WWOX: variants seen among roughly 807,000 people sequenced by gnomAD.
WWOX encodes the protein WW domain containing oxidoreductase.
In WWOX, 69 loss-of-function variants were observed where a neutral mutation model predicts 46.2. The observed-to-expected ratio is 1.49, with a 90% confidence interval of 1.23 to 1.82. The LOEUF is 1.82. WWOX is among the 40% of genes most tolerant of loss of function. The pLI, the probability that WWOX is intolerant of heterozygous loss-of-function variation, is 0.00. For missense variants in WWOX, 919 were observed against 542.6 expected, an observed-to-expected ratio of 1.69 and a Z score of -6.89; for synonymous variants, 359 against 202.6, an observed-to-expected ratio of 1.77 and a Z score of -6.56.
At chr16:78,593,824 C>G (rs1034276687) in intron 8 of WWOX, among the ~76,000 whole-genome samples, 4 of 151,998 alleles carry the variant, frequency 2.6e-5, no homozygotes, top group Non-Finnish European at 5.9e-5. Flanking sequence ...TGATTGCAAG[C>G]TGAGGACATA....
rs905208140 is a variant in WWOX, at chr16:78,343,346, T to C, written c.517-43514T>C. On this transcript the variant is annotated intron_variant, in intron 5 of 8. Transcript: ENST00000566780. ...CTCGCCTACTTGCTTCTAGGCACAT[T>C]AAACGGTCAGTGCACAGGTCCTCAT... 3.5e-4 allele frequency among the ~76,000 whole-genome samples: 43 copies of C among 121,270 alleles called. 15 individuals are homozygous for C. Among genetic ancestry groups the C allele is most frequent in the African/African-American group, 1.2e-3 (43 of 35,744 alleles). 79.6% of individuals were successfully genotyped at this position (121,270 alleles called of 152,430 possible). A position where few individuals can be genotyped will look rare whatever the true frequency, so the allele number is the denominator to read the frequency against.
chr16:78,363,301 T>G (rs1267857440), intron 5 of WWOX, among the ~76,000 whole-genome samples: 3 of 149,706 alleles, frequency 2.0e-5, no homozygotes, highest in Admixed American at 6.7e-5. Context: ...TTTGACGGGG[T>G]CTTAATATGT....
intron 8 of WWOX, among the ~76,000 whole-genome samples, chr16:79,186,223 C>T (rs1472359813): frequency 6.6e-6 from 1 of 152,146 alleles, no homozygotes; most frequent in African/African-American, 2.4e-5. Context: ...TCAGTGTGTG[C>T]TTCCCATGGC....
intron 8 of WWOX, among the ~76,000 whole-genome samples, chr16:78,441,467 G>T (rs2083442646): frequency 6.6e-6 from 1 of 152,176 alleles, no homozygotes; most frequent in South Asian, 2.1e-4. Context: ...AAGGAGACCT[G>T]CTGAGAGTCA....
At chr16:78,820,879 G>C (rs1310785837) in intron 8 of WWOX, among the ~76,000 whole-genome samples, 1 of 152,030 alleles carries the variant, frequency 6.6e-6, no homozygotes, top group Non-Finnish European at 1.5e-5. Context: ...ATGTCCCTTG[G>C]CTTGGAAACA....
At chr16:78,507,699 G>A (rs745810277) in intron 8 of WWOX, among the ~76,000 whole-genome samples, 14 of 152,078 alleles carry the variant, frequency 9.2e-5, no homozygotes, top group Admixed American at 7.9e-4. Context: ...GTTCTTACCT[G>A]TTGAGGATTT....
intron 8 of WWOX, among the ~76,000 whole-genome samples, chr16:78,484,348 A>T (rs960699518): frequency 2.0e-5 from 3 of 152,094 alleles, no homozygotes; most frequent in Admixed American, 1.3e-4. Context: ...TTTTCCAAGT[A>T]TACCTATTCC....
At chr16:79,099,512 T>C (rs531890827) in intron 8 of WWOX, among the ~76,000 whole-genome samples, 33 of 152,156 alleles carry the variant, frequency 2.2e-4, no homozygotes, top group Non-Finnish European at 2.9e-5. Flanking sequence ...ACAACTATGC[T>C]GGCCAGTTTC....
At chr16:78,488,475 C>T (rs1257109999) in intron 8 of WWOX, among the ~76,000 whole-genome samples, 1 of 152,156 alleles carries the variant, frequency 6.6e-6, no homozygotes. Context: ...GAGATTCCCT[C>T]TTTAAGGATA....
intron 8 of WWOX, among the ~76,000 whole-genome samples, chr16:78,484,712 A>G (rs1452393648): frequency 6.6e-6 from 1 of 152,102 alleles, no homozygotes; most frequent in Non-Finnish European, 1.5e-5. Context: ...CCTAGATAAA[A>G]TAATTCTCTC....
At chr16:78,120,474 G>T (rs1391313356) in intron 4 of WWOX, among the ~76,000 whole-genome samples, 3 of 151,964 alleles carry the variant, frequency 2.0e-5, no homozygotes, top group Non-Finnish European at 4.4e-5. Context: ...GGAGGCTGAG[G>T]CAGGAGAATG....
chr16:78,436,648 A>G (rs2083341654), intron 8 of WWOX, among the ~76,000 whole-genome samples: 1 of 152,100 alleles, frequency 6.6e-6, no homozygotes, highest in South Asian at 2.1e-4. Flanking sequence ...CAGAGGTGGA[A>G]TTGGCGCTCT....
chr16:78,939,031 C>G (rs897366920), intron 8 of WWOX, among the ~76,000 whole-genome samples: 5 of 152,036 alleles, frequency 3.3e-5, no homozygotes, highest in African/African-American at 1.2e-4. Flanking sequence ...CCTTTCAGCC[C>G]AAGGTTTGAA....
At chr16:78,677,243 G>C (rs2550651) in intron 8 of WWOX, among the ~76,000 whole-genome samples, 5 of 152,164 alleles carry the variant, frequency 3.3e-5, no homozygotes, top group South Asian at 4.1e-4. Flanking sequence ...TCAGGGTATA[G>C]GGGTCAGGCA....
intron 8 of WWOX, among the ~76,000 whole-genome samples, chr16:78,803,145 A>G (rs2050940119): frequency 6.6e-6 from 1 of 151,914 alleles, no homozygotes; most frequent in East Asian, 1.9e-4. Context: ...AGGATCCAAC[A>G]GTTCTGATTT....
chr16:78,281,582 A>G (rs963209055), intron 5 of WWOX, among the ~76,000 whole-genome samples: 1 of 152,308 alleles, frequency 6.6e-6, no homozygotes, highest in African/African-American at 2.4e-5. Flanking sequence ...TTTGTTGCCA[A>G]CTACTCAACT....
rs563424065 is a variant in WWOX, at chr16:78,441,029, G to C, written c.1056+8277G>C. ...GCAATCTTGGCTCACTGCAGCCTCCGCCTCCCAGGTTCAAGCGATTCTCCT... is the reference window on the plus strand; with the variant it reads ...GCAATCTTGGCTCACTGCAGCCTCCCCCTCCCAGGTTCAAGCGATTCTCCT... On this transcript the variant is annotated intron_variant, in intron 8 of 8. Transcript: ENST00000566780. Among the ~76,000 whole-genome samples, 3 of 152,132 alleles carry C rather than the reference G, an allele frequency of 2.0e-5. No individual in the cohort carries two copies. The South Asian group carries it at 6.2e-4, about 32-fold the overall frequency.
chr16:78,678,493 C>T (rs921435925), intron 8 of WWOX, among the ~76,000 whole-genome samples: 1 of 152,196 alleles, frequency 6.6e-6, no homozygotes, highest in Admixed American at 6.5e-5. Flanking sequence ...TTCAGGGCCA[C>T]GTGCTGGTTG....
intron 5 of WWOX, among the ~76,000 whole-genome samples, chr16:78,240,083 T>C (rs1245032992): frequency 6.6e-6 from 1 of 152,160 alleles, no homozygotes; most frequent in Non-Finnish European, 1.5e-5. Context: ...TAACGTTATA[T>C]GGAAACAGGG....
Sources: allele counts gnomAD v4.1 joint callset (sites outside exome capture counted in the v4.1 genomes callset), GRCh38; gene constraint gnomAD v4.1.1; transcripts MANE v1.5; gene names NCBI Gene and HGNC (gene_info 2026-07-23, HGNC 2026-07-21).